RGS7: variants seen among roughly 807,000 people sequenced by gnomAD.
RGS7 encodes regulator of G-protein signaling 7.
In RGS7, 27 loss-of-function variants were observed where a neutral mutation model predicts 81.1. The ratio of observed to expected loss-of-function variants is 0.33; its 90% CI spans 0.25 to 0.46. RGS7 has a LOEUF of 0.46. Ranked by LOEUF, RGS7 falls within the 20% of genes least tolerant of loss-of-function variation. The pLI, the probability that RGS7 is intolerant of heterozygous loss-of-function variation, is 1.00. For synonymous variants in RGS7, 208 were observed against 207.7 expected (o/e 1.00, Z -0.01); for missense variants, 396 against 607.4 (o/e 0.65, Z 3.66).
chr1:241,221,437 A>G lies in RGS7; in HGVS notation c.79-122675T>C, dbSNP rs146281644. On this transcript the variant is annotated intron_variant, in intron 2 of 18. Coordinates refer to ENST00000440928, the MANE Select transcript of RGS7 (RefSeq NM_001364886.1). ...TTCCCAGCTTCCTTTGTCCATGGAT[A>G]TAGTGACGTGACTGAGAATAGTCAG... Among the ~76,000 whole-genome samples, 83 of 152,326 alleles carry G rather than the reference A, an allele frequency of 5.4e-4. No homozygotes were observed. In the Middle Eastern group the frequency reaches 0.014, roughly 25 times the overall value.
chr1:241,254,492 G>A (rs2076974485), intron 2 of RGS7, among the ~76,000 whole-genome samples: 1 of 152,100 alleles, frequency 6.6e-6, no homozygotes, highest in Non-Finnish European at 1.5e-5. Flanking sequence ...TTCTTGTGGT[G>A]CCCTCACATG....
chr1:241,306,344 C>T (rs1323891603), intron 2 of RGS7, among the ~76,000 whole-genome samples: 1 of 151,140 alleles, frequency 6.6e-6, no homozygotes, highest in Non-Finnish European at 1.5e-5. Context: ...CACATCCTCA[C>T]ATGTACATAT....
At chr1:241,336,790 A>G (rs34032051) in intron 2 of RGS7, among the ~76,000 whole-genome samples, 12,646 of 152,264 alleles carry the variant, frequency 0.083, 1,524 homozygotes, top group African/African-American at 0.26. Context: ...CATTTATGAA[A>G]CAATTGCATG....
In RGS7 at chr1:241,289,292, T is replaced by C. The variant is rs574188078; in HGVS notation, c.78+66407A>G. 2.6e-5 allele frequency among the ~76,000 whole-genome samples: 4 copies of C among 152,320 alleles called. No homozygotes were observed. The East Asian group carries it at 7.7e-4, about 29-fold the overall frequency. On this transcript the variant is annotated intron_variant, in intron 2 of 18. Transcript: ENST00000440928. ...AGGTCCCTAAGCACAGTTTCCCCTC[T>C]TTCTGCCCTGCAGACCTGCTTTATC...
intron 2 of RGS7, among the ~76,000 whole-genome samples, chr1:241,299,434 G>T (rs976473342): frequency 7.9e-5 from 12 of 151,968 alleles, no homozygotes; most frequent in African/African-American, 2.9e-4. Flanking sequence ...TTTTGAAGGT[G>T]AGATAGGAAA....
chr1:240,877,839 A>ATTT (rs1665705129), intron 6 of RGS7, among the ~76,000 whole-genome samples: 1 of 152,174 alleles, frequency 6.6e-6, no homozygotes, highest in Non-Finnish European at 1.5e-5. Flanking sequence ...GATCTTTATA[A>ATTT]CCAAATTTCA....
chr1:241,340,295 G>C (rs1442567434), intron 2 of RGS7, among the ~76,000 whole-genome samples: 2 of 152,070 alleles, frequency 1.3e-5, no homozygotes, highest in African/African-American at 2.4e-5. Context: ...TAACTTTTTT[G>C]GTTATAATCA....
chr1:241,337,661 A>G (rs571979452), intron 2 of RGS7, among the ~76,000 whole-genome samples: 1 of 152,286 alleles, frequency 6.6e-6, no homozygotes, highest in Admixed American at 6.5e-5. Flanking sequence ...AATGCACAAA[A>G]CACACAAGCA....
intron 3 of RGS7, among the ~76,000 whole-genome samples, chr1:241,012,712 T>C (rs2059018737): frequency 6.6e-6 from 1 of 152,178 alleles, no homozygotes; most frequent in African/African-American, 2.4e-5. Flanking sequence ...GAGATTTGCA[T>C]CTGTAGAGAA....
At position 240,775,915 on chromosome 1, in the gene RGS7, G is replaced by T; in HGVS notation, c.*305C>A. ...AAAAAGAAAAGGTTTTACTTCACTT[G>T]AACTTGTTAAAAAGGAAGAGACACA... On this transcript the variant is annotated 3_prime_UTR_variant, in exon 19 of 19. Coordinates refer to ENST00000440928, the MANE Select transcript of RGS7 (RefSeq NM_001364886.1). The T allele has an allele frequency of 2.0e-6, 1 of 494,656 alleles. No individual in the cohort carries two copies. The highest frequency in any genetic ancestry group is 2.7e-5 in the South Asian group (1 of 37,418). 30.6% of individuals were successfully genotyped at this position (494,656 alleles called of 1,614,324 possible). A position where few individuals can be genotyped will look rare whatever the true frequency, so the allele number is the denominator to read the frequency against.
chr1:241,175,266 T>C (rs1385870109), intron 2 of RGS7, among the ~76,000 whole-genome samples: 2 of 152,240 alleles, frequency 1.3e-5, no homozygotes, highest in African/African-American at 2.4e-5. Context: ...CTATTACACA[T>C]TGGAAGCTAT....
chr1:241,030,455 A>T (rs1011208570), intron 3 of RGS7, among the ~76,000 whole-genome samples: 2 of 146,890 alleles, frequency 1.4e-5, no homozygotes, highest in South Asian at 4.3e-4. Flanking sequence ...ATATATATAC[A>T]CATATACAAA....
chr1:241,008,809 C>T (rs11585366), intron 3 of RGS7, among the ~76,000 whole-genome samples: 22,990 of 148,536 alleles, frequency 0.15, 1,864 homozygotes, highest in Non-Finnish European at 0.18. Context: ...CTACTTAGTA[C>T]GTTGAGGCAG....
At chr1:241,245,679 T>G (rs868218718) in intron 2 of RGS7, among the ~76,000 whole-genome samples, 1 of 151,444 alleles carries the variant, frequency 6.6e-6, no homozygotes, top group Non-Finnish European at 1.5e-5. Context: ...TAGTGGCAAG[T>G]GCCTGTAATC....
At chr1:241,211,005 G>T (rs542521668) in intron 2 of RGS7, among the ~76,000 whole-genome samples, 12 of 152,210 alleles carry the variant, frequency 7.9e-5, no homozygotes, top group African/African-American at 2.6e-4. Context: ...GTAAATATTG[G>T]CCAGGTGTGG....
At chr1:241,350,546 T>G (rs1371348287) in intron 2 of RGS7, among the ~76,000 whole-genome samples, 1 of 152,106 alleles carries the variant, frequency 6.6e-6, no homozygotes, top group Non-Finnish European at 1.5e-5. Flanking sequence ...TTGTTGTCCC[T>G]TGTATATATT....
At chr1:240,899,501 A>G (rs1200380593) in intron 6 of RGS7, among the ~76,000 whole-genome samples, 1 of 152,206 alleles carries the variant, frequency 6.6e-6, no homozygotes, top group Non-Finnish European at 1.5e-5. Flanking sequence ...ATCTCTCAGC[A>G]ATTGCTTGTC....
intron 3 of RGS7, among the ~76,000 whole-genome samples, chr1:240,999,845 C>T (rs532094833): frequency 7.2e-5 from 11 of 152,238 alleles, no homozygotes; most frequent in Non-Finnish European, 1.5e-4. Context: ...TCAAACAATC[C>T]ACCCACCTCG....
chr1:241,306,563 CAT>C (rs937700114), intron 2 of RGS7, among the ~76,000 whole-genome samples: 48 of 151,480 alleles, frequency 3.2e-4, no homozygotes, highest in African/African-American at 3.9e-4. Context: ...CACACATACA[CAT>C]ATGTCCACAC....
Sources: allele counts gnomAD v4.1 joint callset (sites outside exome capture counted in the v4.1 genomes callset), GRCh38; gene constraint gnomAD v4.1.1; transcripts MANE v1.5; gene names NCBI Gene and HGNC (gene_info 2026-07-23, HGNC 2026-07-21).